The following GRIN2A variants were observed in gnomAD, a reference collection of about 807,000 sequenced individuals.
The protein encoded by GRIN2A is glutamate receptor ionotropic, NMDA 2A.
GRIN2A carries 22 observed loss-of-function variants against 113.4 expected under a neutral mutation model. The observed-to-expected ratio is 0.19, with a 90% confidence interval of 0.14 to 0.28. GRIN2A has a LOEUF of 0.28. GRIN2A is among the 10% of genes least tolerant of loss of function. GRIN2A has a pLI of 1.00. For missense variants in GRIN2A, 1,502 were observed against 1,887.0 expected (o/e 0.80, Z 3.78); for synonymous variants, 827 against 738.4 (o/e 1.12, Z -1.94).
At chr16:10,022,989 A>G (rs2046753368) in intron 2 of GRIN2A, among the ~76,000 whole-genome samples, 2 of 152,240 alleles carry the variant, frequency 1.3e-5, no homozygotes, top group South Asian at 4.1e-4. Context: ...AGATTAACAC[A>G]GGAATCTAAA....
At chr16:9,873,929 C>T (rs79880296) in intron 4 of GRIN2A, among the ~76,000 whole-genome samples, 3,264 of 152,274 alleles carry the variant, frequency 0.021, 42 homozygotes, top group East Asian at 0.057. Flanking sequence ...AGGATTCTTC[C>T]GATTCAAATT....
chr16:9,921,518 T>C lies in GRIN2A; in HGVS notation c.1007+16441A>G, dbSNP rs567803286. 3.3e-5 allele frequency among the ~76,000 whole-genome samples: 5 copies of C among 152,322 alleles called. No homozygotes were observed. The East Asian group carries it at 9.6e-4, about 29-fold the overall frequency. ...TTCTCTCTGAAATCTTTTTCTCATG[T>C]GAAAATAGAAATAACACTACTACTT... is the stretch of plus-strand genomic sequence containing the variant. On this transcript the variant is annotated intron_variant, in intron 3 of 12. Coordinates refer to ENST00000330684, the MANE Select transcript of GRIN2A (RefSeq NM_001134407.3).
At chr16:10,012,336 C>G (rs563806512) in intron 2 of GRIN2A, among the ~76,000 whole-genome samples, 1 of 152,160 alleles carries the variant, frequency 6.6e-6, no homozygotes, top group Non-Finnish European at 1.5e-5. Context: ...TACCTGATCT[C>G]CAGCCCCTCA....
chr16:10,115,180 T>C (rs1234384153), intron 2 of GRIN2A, among the ~76,000 whole-genome samples: 1 of 152,216 alleles, frequency 6.6e-6, no homozygotes, highest in East Asian at 1.9e-4. Flanking sequence ...ACGGCTCTCC[T>C]TTGTGTAGAA....
chr16:10,085,627 AG>A (rs2048072212), intron 2 of GRIN2A, among the ~76,000 whole-genome samples: 1 of 152,128 alleles, frequency 6.6e-6, no homozygotes, highest in Non-Finnish European at 1.5e-5. Context: ...GTATAAAGCG[AG>A]GGGCAGAGTC....
chr16:10,021,193 C>A (rs1287727928), intron 2 of GRIN2A, among the ~76,000 whole-genome samples: 1 of 152,156 alleles, frequency 6.6e-6, no homozygotes, highest in Non-Finnish European at 1.5e-5. Context: ...CAGCCTGTAC[C>A]TTCCCAGCTC....
intron 2 of GRIN2A, chr16:10,037,418 GTGCAGCCC>G (rs1567251573): frequency 1.3e-5 from 2 of 152,304 alleles, no homozygotes; most frequent in African/African-American, 4.8e-5. Context: ...TCCCCGCCGT[GTGCAGCCC>G]TGCCACCCTC....
chr16:9,963,210 G>A (rs1215724013), intron 2 of GRIN2A, among the ~76,000 whole-genome samples: 2 of 151,742 alleles, frequency 1.3e-5, no homozygotes. Context: ...CATGGCACAT[G>A]TATACATATG....
chr16:10,116,105 G>A (rs1472415977), intron 2 of GRIN2A, among the ~76,000 whole-genome samples: 2 of 152,216 alleles, frequency 1.3e-5, no homozygotes, highest in African/African-American at 4.8e-5. Flanking sequence ...TAAAGAAAAT[G>A]TGGTACATAC....
intron 2 of GRIN2A, among the ~76,000 whole-genome samples, chr16:10,041,803 A>G (rs1291404910): frequency 2.0e-5 from 3 of 152,210 alleles, no homozygotes; most frequent in Non-Finnish European, 2.9e-5. Context: ...CGCTGAGCTC[A>G]GTTCAAAGCC....
intron 2 of GRIN2A, among the ~76,000 whole-genome samples, chr16:10,016,743 C>T (rs908053103): frequency 6.6e-6 from 1 of 152,238 alleles, no homozygotes; most frequent in Admixed American, 6.5e-5. Context: ...GAGCTCACAT[C>T]TCTCTTACCT....
chr16:9,996,335 C>G (rs948419108), intron 2 of GRIN2A, among the ~76,000 whole-genome samples: 1 of 152,150 alleles, frequency 6.6e-6, no homozygotes, highest in Non-Finnish European at 1.5e-5. Flanking sequence ...TGCGTGAAAC[C>G]ACTGCTGACA....
chr16:9,897,051 G>C (rs958857542), intron 3 of GRIN2A, among the ~76,000 whole-genome samples: 3 of 152,170 alleles, frequency 2.0e-5, no homozygotes, highest in South Asian at 2.1e-4. Context: ...TCCATCAGGA[G>C]CAATAAGTAC....
intron 2 of GRIN2A, among the ~76,000 whole-genome samples, chr16:10,158,356 G>A (rs2049745620): frequency 6.6e-6 from 1 of 152,148 alleles, no homozygotes; most frequent in Non-Finnish European, 1.5e-5. Flanking sequence ...GGAGTAGGGG[G>A]ATATCTATCC....
At chr16:10,119,130 G>A (rs1677661067) in intron 2 of GRIN2A, among the ~76,000 whole-genome samples, 4 of 152,056 alleles carry the variant, frequency 2.6e-5, no homozygotes, top group Admixed American at 2.0e-4. Context: ...GATATTTGAG[G>A]GCTTATTTGT....
chr16:9,994,742 T>C lies in GRIN2A; in HGVS notation c.415-56191A>G, dbSNP rs372383933. Among the ~76,000 whole-genome samples, 3 of 152,194 alleles carry C rather than the reference T, an allele frequency of 2.0e-5. No individual in the cohort carries two copies. The East Asian group carries it at 5.8e-4, about 29-fold the overall frequency. Reference sequence around the variant, plus strand: ...CAGAGGTACCTGCGTCACCACAGCATGGAAAAACGTAAGGGAGAATTCTTG... The same window carrying C: ...CAGAGGTACCTGCGTCACCACAGCACGGAAAAACGTAAGGGAGAATTCTTG... On this transcript the variant is annotated intron_variant, in intron 2 of 12. Transcript: ENST00000330684.
At chr16:10,097,946 C>T (rs914880191) in intron 2 of GRIN2A, among the ~76,000 whole-genome samples, 6 of 152,138 alleles carry the variant, frequency 3.9e-5, no homozygotes, top group Admixed American at 1.3e-4. Context: ...ATAGGCGGTA[C>T]TTAATTAAAC....
chr16:10,035,469 C>G (rs1230166044), intron 2 of GRIN2A, among the ~76,000 whole-genome samples: 2 of 152,334 alleles, frequency 1.3e-5, no homozygotes, highest in East Asian at 3.9e-4. Flanking sequence ...CCTTCCCTGG[C>G]TCCTTTCAAA....
intron 11 of GRIN2A, among the ~76,000 whole-genome samples, chr16:9,772,861 C>G (rs934150758): frequency 6.9e-6 from 1 of 144,124 alleles, no homozygotes; most frequent in African/African-American, 2.6e-5. Flanking sequence ...TTCCTTCTGC[C>G]CTTTGCCCAA....
Sources: gnomAD v4.1 joint callset for allele counts (sites outside exome capture counted in the v4.1 genomes callset) on GRCh38, gnomAD v4.1.1 for gene constraint, MANE v1.5 for transcripts, NCBI Gene and HGNC (gene_info 2026-07-23, HGNC 2026-07-21) for gene names.